RASGRF1: variants seen among roughly 807,000 people sequenced by gnomAD.
The protein encoded by RASGRF1 is Ras protein specific guanine nucleotide releasing factor 1, also known as ras-specific guanine nucleotide-releasing factor 1.
Under a neutral mutation model 138.7 loss-of-function variants are expected in RASGRF1, and 40 were observed. The observed-to-expected ratio is 0.29, with a 90% confidence interval of 0.22 to 0.38. RASGRF1 has a LOEUF of 0.38. Ranked by LOEUF, RASGRF1 falls within the 10% of genes least tolerant of loss-of-function variation. The pLI is 1.00. For synonymous variants in RASGRF1, 614 were observed against 663.2 expected (o/e 0.93, Z 1.14); for missense variants, 1,108 against 1,650.4 (o/e 0.67, Z 5.69).
chr15:79,021,891 C>T (rs561938369), intron 10 of RASGRF1, among the ~76,000 whole-genome samples: 3 of 152,138 alleles, frequency 2.0e-5, no homozygotes, highest in Non-Finnish European at 4.4e-5. Context: ...AATACAAGTT[C>T]GTTATTCATA....
chr15:79,042,124 T>A (rs1298940656), intron 5 of RASGRF1, among the ~76,000 whole-genome samples: 1 of 152,066 alleles, frequency 6.6e-6, no homozygotes, highest in Non-Finnish European at 1.5e-5. Context: ...AAAGATCTTT[T>A]CCCCCCTATT....
In RASGRF1 at chr15:79,027,346, C is replaced by T. The variant is rs1224305260; in HGVS notation, c.1381+395G>A. ...GGAAAGGACAGGGGAATGGACCCAA[C>T]ACTGACCTCCTCCCAGACACTGAAA... On this transcript the variant is annotated intron_variant, in intron 9 of 26. Transcript: ENST00000558480. The surrounding 1 kb of genome is among the most constrained non-coding windows in gnomAD (Gnocchi z 4.8). 2.0e-5 allele frequency among the ~76,000 whole-genome samples: 3 copies of T among 152,180 alleles called. No individual in the cohort carries two copies. The highest frequency in any genetic ancestry group is 7.2e-5 in the African/African-American group (3 of 41,432).
Position 79,090,582 on chromosome 15 carries a change from C to G in RASGRF1, c.-84G>C. 4 of 1,548,620 alleles carry G rather than the reference C, an allele frequency of 2.6e-6. No individual in the cohort carries two copies. The South Asian group carries it at 4.8e-5, about 19-fold the overall frequency. Reference sequence around the variant, plus strand: ...CGTCCGTGCGCGCTGCGCGCTGCCTCTCTCTGGCGCTCGCTCGCTCGCTCC... The same window carrying G: ...CGTCCGTGCGCGCTGCGCGCTGCCTGTCTCTGGCGCTCGCTCGCTCGCTCC... On this transcript the variant is annotated 5_prime_UTR_variant, in exon 1 of 27. Coordinates refer to ENST00000558480, the MANE Select transcript of RASGRF1 (RefSeq NM_001145648.3).
chr15:79,071,231 G>A (rs1005939307), intron 1 of RASGRF1, among the ~76,000 whole-genome samples: 4 of 152,222 alleles, frequency 2.6e-5, no homozygotes, highest in African/African-American at 9.6e-5. Flanking sequence ...CTCTGGCATG[G>A]ATAGGCCAAA....
At chr15:79,002,624 G>A (rs2056559690) in intron 15 of RASGRF1, among the ~76,000 whole-genome samples, 1 of 152,174 alleles carries the variant, frequency 6.6e-6, no homozygotes, top group South Asian at 2.1e-4. Flanking sequence ...CAGTCAAGAA[G>A]CCTGGTACCA....
chr15:79,048,068 A>G (rs2057378701), intron 4 of RASGRF1, among the ~76,000 whole-genome samples: 1 of 152,210 alleles, frequency 6.6e-6, no homozygotes, highest in Admixed American at 6.5e-5. Context: ...GGTGGATTTC[A>G]GCTAGCCTTT....
At chr15:79,062,438 A>C (rs2057619888) in intron 2 of RASGRF1, among the ~76,000 whole-genome samples, 1 of 152,212 alleles carries the variant, frequency 6.6e-6, no homozygotes. Context: ...CCCACCGTTC[A>C]CAGGGGAAAG....
intron 1 of RASGRF1, among the ~76,000 whole-genome samples, chr15:79,079,137 A>G (rs1367210097): frequency 1.3e-5 from 2 of 152,188 alleles, no homozygotes; most frequent in East Asian, 3.9e-4. Flanking sequence ...GTTTTAATGT[A>G]AACTACTCCA....
chr15:78,973,229 G>A lies in RASGRF1; in HGVS notation c.3612+74C>T. The A allele has an allele frequency of 8.0e-7, 1 of 1,256,688 alleles. No homozygotes were observed. Among genetic ancestry groups the A allele is most frequent in the Non-Finnish European group, 1.1e-6 (1 of 890,340 alleles). 77.8% of individuals were successfully genotyped at this position (1,256,688 alleles called of 1,614,324 possible). A position where few individuals can be genotyped will look rare whatever the true frequency, so the allele number is the denominator to read the frequency against. ...AGCAGGTTGGGCCTTGGGGGGCAGA[G>A]TGTGGGTGGGCCCCAGGTTGAGTCA... is the stretch of plus-strand genomic sequence containing the variant. On this transcript the variant is annotated intron_variant, in intron 25 of 26. Coordinates refer to ENST00000558480, the MANE Select transcript of RASGRF1 (RefSeq NM_001145648.3). The surrounding 1 kb of genome is among the most constrained non-coding windows in gnomAD (Gnocchi z 4.9).
chr15:78,977,355 G>A (rs558938682), intron 24 of RASGRF1, among the ~76,000 whole-genome samples: 3 of 152,302 alleles, frequency 2.0e-5, no homozygotes, highest in South Asian at 4.1e-4. Context: ...GGGCTGTGTG[G>A]GCTGAATCCC....
At chr15:78,970,604 A>G (rs981168544) in intron 26 of RASGRF1, among the ~76,000 whole-genome samples, 2 of 140,794 alleles carry the variant, frequency 1.4e-5, no homozygotes, top group African/African-American at 5.3e-5. Flanking sequence ...GCCTGGTGAC[A>G]GAGTGAGACT....
At chr15:79,005,137 A>T in intron 14 of RASGRF1, 1 of 985,404 alleles carries the variant, frequency 1.0e-6, no homozygotes. Context: ...CTGATCATTG[A>T]GGTTTCAGAA....
chr15:78,984,775 A>C (rs1395896747), intron 23 of RASGRF1: 1 of 569,102 alleles, frequency 1.8e-6, no homozygotes, highest in East Asian at 3.0e-5. Context: ...TTCCACTTTG[A>C]GGTATTAATT....
intron 20 of RASGRF1, among the ~76,000 whole-genome samples, chr15:78,992,507 G>A (rs1373059344): frequency 6.6e-6 from 1 of 152,228 alleles, no homozygotes; most frequent in Admixed American, 6.5e-5. Context: ...GGGCACAAAG[G>A]CCTCGTGGAA....
rs145157601 is a variant in RASGRF1, at chr15:79,025,317, G to C, written c.1539C>G (p.Thr513=). 1 of 1,607,558 alleles carries C rather than the reference G, an allele frequency of 6.2e-7. No individual in the cohort carries two copies. Among genetic ancestry groups the C allele is most frequent in the South Asian group, 1.1e-5 (1 of 90,456 alleles). Residue 513 remains threonine, a synonymous_variant, in exon 10 of 27, where the codon ACC becomes ACG. Coordinates refer to ENST00000558480, the MANE Select transcript of RASGRF1 (RefSeq NM_001145648.3). ...TRGSGGKLHL[T]KNGVISLIDC... is the part of the protein sequence containing the mutation. ...GCCCCTCTCCCGTAGCCCTTACCTT[G>C]GTCAAGTGAAGCTTCCCTCCAGAGC...
At chr15:79,004,798 A>G in intron 14 of RASGRF1, 3 of 984,198 alleles carry the variant, frequency 3.0e-6, no homozygotes, top group Non-Finnish European at 3.6e-6. Flanking sequence ...AGCTTGTCTC[A>G]TCGAGGCTGT....
intron 10 of RASGRF1, among the ~76,000 whole-genome samples, chr15:79,024,006 A>G (rs2057005289): frequency 7.2e-6 from 1 of 139,832 alleles, no homozygotes; most frequent in Non-Finnish European, 1.5e-5. Context: ...ATAGACACAC[A>G]CAGATACACA....
rs1208289108 is a variant in RASGRF1, at chr15:79,030,769, A to G, written c.1262+631T>C. 2.6e-5 allele frequency among the ~76,000 whole-genome samples: 4 copies of G among 152,342 alleles called. No individual in the cohort carries two copies. The East Asian group carries it at 7.7e-4, about 29-fold the overall frequency. On this transcript the variant is annotated intron_variant, in intron 8 of 26. Coordinates refer to ENST00000558480, the MANE Select transcript of RASGRF1 (RefSeq NM_001145648.3). ...TTGGTTCCACCTTCAAAATGCATCC[A>G]GGACCTGAACCTCTTCCTGGAACCT...
At chr15:79,070,227 G>T (rs928575231) in intron 1 of RASGRF1, among the ~76,000 whole-genome samples, 18 of 152,230 alleles carry the variant, frequency 1.2e-4, no homozygotes, top group African/African-American at 4.3e-4. Context: ...GAGAGCACAT[G>T]GAAGTCTCAG....
Sources: gnomAD v4.1 joint callset for allele counts (sites outside exome capture counted in the v4.1 genomes callset) on GRCh38, gnomAD v4.1.1 for gene constraint, Gnocchi (gnomAD v3.1) non-coding constraint, MANE v1.5 for transcripts, NCBI Gene and HGNC (gene_info 2026-07-23, HGNC 2026-07-21) for gene names.